Variants in ZGRF1 observed in about 807,000 individuals in gnomAD.
The protein encoded by ZGRF1 is 5'-3' DNA helicase ZGRF1.
ZGRF1 carries 196 observed loss-of-function variants against 203.5 expected under a neutral mutation model. The observed-to-expected ratio is 0.96, with a 90% CI of 0.86 to 1.08. The LOEUF (loss-of-function observed/expected upper bound fraction) is 1.08. Among genes scored for constraint, ZGRF1 ranks in the 50% least tolerant of loss-of-function variants. The probability of loss-of-function intolerance (pLI) is 0.00; values close to 1 mark genes in which losing one functional copy is unlikely to be tolerated. For missense variants in ZGRF1, 2,326 were observed against 2,416.3 expected (o/e 0.96, Z 0.78); for synonymous variants, 809 against 841.3 (o/e 0.96, Z 0.66).
At chr4:112,610,929 C>T (rs763282017) in intron 7 of ZGRF1, 1 of 306,200 alleles carries the variant, frequency 3.3e-6, no homozygotes, top group Non-Finnish European at 6.3e-6. Flanking sequence ...ATCAATCTAA[C>T]CATTTTTTTT....
chr4:112,549,728 A>C (rs1367059723), intron 22 of ZGRF1, among the ~76,000 whole-genome samples: 1 of 152,118 alleles, frequency 6.6e-6, no homozygotes, highest in Non-Finnish European at 1.5e-5. Context: ...CGGTTTATAC[A>C]TTTACTATAG....
chr4:112,606,242 A>T (rs1478814878), intron 8 of ZGRF1, 151 bp from the exon 9 acceptor site: 5 of 574,594 alleles, frequency 8.7e-6, no homozygotes, highest in Non-Finnish European at 1.5e-5. Flanking sequence ...ACACACATAC[A>T]AGCTAGCTCT....
chr4:112,542,733 C>T (rs752183099), intron 24 of ZGRF1, among the ~76,000 whole-genome samples: 1 of 152,056 alleles, frequency 6.6e-6, no homozygotes, highest in Non-Finnish European at 1.5e-5. Context: ...GACACCCCAC[C>T]CAACTTTATC....
chr4:112,618,261 GATGTT>G lies in ZGRF1; in HGVS notation c.1776_1780del (p.Leu592PhefsTer3), dbSNP rs773009767. ...TGTCACTGTAGGTTTGTCACTAACA[GATGTT>G]AAGAATGGCAAATGTTCACCCTCAA... On this transcript the variant is annotated frameshift_variant, in exon 6 of 28. Coordinates refer to ENST00000505019, the MANE Select transcript of ZGRF1 (RefSeq NM_018392.5). LOFTEE classifies it high-confidence loss of function. 1 of 1,613,672 alleles carries G rather than the reference GATGTT, an allele frequency of 6.2e-7. No individual in the cohort carries two copies. Among genetic ancestry groups the G allele is most frequent in the East Asian group, 2.2e-5 (1 of 44,848 alleles).
Position 112,583,977 on chromosome 4 carries a change from C to G in ZGRF1, c.4298+1G>C, listed in dbSNP as rs757820224. ...CAATTATTTGGTACTATAAAACATA[C>G]CTCACCAAAAGCTGGCATTCCTCAT... On this transcript the variant is annotated splice_donor_variant, in intron 15 of 27. Coordinates refer to ENST00000505019, the MANE Select transcript of ZGRF1 (RefSeq NM_018392.5). LOFTEE classifies it high-confidence loss of function. The G allele has an allele frequency of 1.9e-5, 30 of 1,589,856 alleles. No individual in the cohort carries two copies. The South Asian group carries it at 3.3e-4, about 18-fold the overall frequency.
intron 10 of ZGRF1, among the ~76,000 whole-genome samples, chr4:112,601,959 C>A (rs959701798): frequency 6.6e-6 from 1 of 152,128 alleles, no homozygotes; most frequent in Non-Finnish European, 1.5e-5. Flanking sequence ...AATCCCAGCA[C>A]TTTGGGAGGA....
rs1161621640 is a variant in ZGRF1 at position 112,539,896 on chromosome 4, G to A, written c.6139C>T (p.Gln2047Ter). Residue 2047 changes from glutamine (Q) to a stop codon, truncating the protein, a stop_gained, in exon 27 of 28, where the codon CAA (glutamine) becomes TAA (stop). Coordinates refer to ENST00000505019, the MANE Select transcript of ZGRF1 (RefSeq NM_018392.5). LOFTEE classifies it high-confidence loss of function. ...TGTTGGATCACTCGTCCCCAAAGTT[G>A]ATTTTTCCTCAAACAGGCTAAATTT... ...VGNLACLRKNQLWGRVIQHCE... is the reference protein window; with the variant it reads ...VGNLACLRKN 1 of 1,613,790 alleles carries A rather than the reference G, an allele frequency of 6.2e-7. No individual in the cohort carries two copies. Among genetic ancestry groups the A allele is most frequent in the Non-Finnish European group, 8.5e-7 (1 of 1,179,776 alleles).
chr4:112,565,127 T>C (rs1341378629), intron 16 of ZGRF1: 2 of 1,408,710 alleles, frequency 1.4e-6, no homozygotes, highest in South Asian at 2.3e-5. Context: ...CCTGGTACTG[T>C]GGCGCTCCGT....
In ZGRF1 at chr4:112,587,418, C is replaced by A; in HGVS notation, c.3639G>T (p.Arg1213=). 6.2e-7 allele frequency: 1 copy of A among 1,613,918 alleles called. No individual in the cohort carries two copies. The highest frequency in any genetic ancestry group is 8.5e-7 in the Non-Finnish European group (1 of 1,179,850). ...QMIKGMLYQQ[R]QDFSSQDSVS... ...CCGAATCTTGACTGCTAAAATCCTG[C>A]CGCTGTTGATAGAGCATGCCTTTTA... is the stretch of plus-strand genomic sequence containing the variant. Residue 1213 remains arginine, a synonymous_variant, in exon 12 of 28, where the codon CGG becomes CGT. Coordinates refer to ENST00000505019, the MANE Select transcript of ZGRF1 (RefSeq NM_018392.5).
intron 20 of ZGRF1, among the ~76,000 whole-genome samples, chr4:112,556,122 C>T (rs1740897706): frequency 1.3e-5 from 2 of 150,938 alleles, no homozygotes; most frequent in South Asian, 2.1e-4. Flanking sequence ...TTTTAAATTG[C>T]TTATAAGAGT....
At chr4:112,548,440 T>A in intron 22 of ZGRF1, 60 bp from the exon 23 acceptor site, 1 of 1,364,672 alleles carries the variant, frequency 7.3e-7, no homozygotes, top group South Asian at 1.4e-5. Flanking sequence ...AGAGAACGTA[T>A]TTACCAAAGA....
intron 6 of ZGRF1, among the ~76,000 whole-genome samples, chr4:112,616,486 C>T (rs1217506154): frequency 2.0e-5 from 3 of 147,522 alleles, no homozygotes; most frequent in Admixed American, 6.9e-5. Flanking sequence ...GATCGCACCA[C>T]TGCACTCCAG....
chr4:112,571,224 T>C (rs190714736), intron 16 of ZGRF1, among the ~76,000 whole-genome samples: 42 of 151,872 alleles, frequency 2.8e-4, no homozygotes, highest in Admixed American at 5.2e-4. Context: ...AAGAACAGTA[T>C]ACTATCCTAA....
chr4:112,561,077 T>A (rs1212822326), intron 18 of ZGRF1, 82 bp from the exon 19 acceptor site: 2 of 1,137,048 alleles, frequency 1.8e-6, no homozygotes, highest in Admixed American at 4.1e-5. Flanking sequence ...AACTTAGCCA[T>A]CACTTTGTAA....
chr4:112,592,080 T>C (rs921287260), intron 10 of ZGRF1, among the ~76,000 whole-genome samples: 1 of 151,980 alleles, frequency 6.6e-6, no homozygotes, highest in Non-Finnish European at 1.5e-5. Context: ...CTCCATTTTC[T>C]TACCTCTCAT....
rs758656924 is a variant in ZGRF1, at chr4:112,547,310, G to GT, written c.5572dup (p.Thr1858AsnfsTer4). The GT allele has an allele frequency of 3.4e-5, 55 of 1,613,050 alleles. No homozygotes were observed. The highest frequency in any genetic ancestry group is 4.4e-5 in the Non-Finnish European group (52 of 1,179,674). On this transcript the variant is annotated frameshift_variant, in exon 24 of 28. Transcript: ENST00000505019. LOFTEE classifies it high-confidence loss of function. Reference sequence around the variant, plus strand: ...CATTAAGCAAAGTCGATCAAAAAGAGTTTGTTCCAATCCATTTTCATGAGC... The same window carrying GT: ...CATTAAGCAAAGTCGATCAAAAAGAGTTTTGTTCCAATCCATTTTCATGAGC...
At chr4:112,582,708 C>T (rs1304268920) in intron 15 of ZGRF1, among the ~76,000 whole-genome samples, 1 of 152,164 alleles carries the variant, frequency 6.6e-6, no homozygotes, top group Non-Finnish European at 1.5e-5. Context: ...GATTCACCCA[C>T]CTTAGCCTCC....
intron 3 of ZGRF1, 97 bp downstream of exon 3, chr4:112,631,833 A>C: frequency 1.8e-6 from 1 of 558,406 alleles, no homozygotes. Flanking sequence ...CAGTGTATGG[A>C]TATATCTGAC....
At chr4:112,605,539 T>C (rs1479776440) in intron 9 of ZGRF1, 1 of 155,238 alleles carries the variant, frequency 6.4e-6, no homozygotes, top group Non-Finnish European at 1.4e-5. Flanking sequence ...AGAACTGCTA[T>C]TTACAAAACC....
Sources: allele counts gnomAD v4.1 joint callset (sites outside exome capture counted in the v4.1 genomes callset), GRCh38; gene constraint gnomAD v4.1.1; transcripts MANE v1.5; gene names NCBI Gene and HGNC (gene_info 2026-07-23, HGNC 2026-07-21).